Variants in LCMT1 observed in about 807,000 individuals in gnomAD.
LCMT1 encodes the protein [Phosphatase 2A protein]-leucine-carboxy methyltransferase 1.
Under a neutral mutation model 47.7 loss-of-function variants are expected in LCMT1, and 32 were observed. That is an observed-to-expected ratio of 0.67 (90% CI 0.51 to 0.90). LCMT1 has a LOEUF of 0.90. Ranked by LOEUF, LCMT1 falls within the 40% of genes least tolerant of loss-of-function variation. LCMT1 has a pLI of 0.00. For synonymous variants in LCMT1, 152 were observed against 149.7 expected (o/e 1.02, Z -0.11); for missense variants, 375 against 415.2 (o/e 0.90, Z 0.84).
chr16:25,169,376 G>A, intron 8 of LCMT1, 163 bp downstream of exon 8: 2 of 557,224 alleles, frequency 3.6e-6, no homozygotes, highest in Non-Finnish European at 6.5e-6. Context: ...ATGCTGGGAA[G>A]ACCAAGTCCT....
At chr16:25,116,294 G>A (rs1362087235) in intron 1 of LCMT1, among the ~76,000 whole-genome samples, 2 of 152,190 alleles carry the variant, frequency 1.3e-5, no homozygotes, top group Non-Finnish European at 2.9e-5. Flanking sequence ...GGCTAAAGCT[G>A]TAACATGTAA....
At chr16:25,112,484 C>G (rs1378983742) in intron 1 of LCMT1, among the ~76,000 whole-genome samples, 1 of 152,190 alleles carries the variant, frequency 6.6e-6, no homozygotes, top group Non-Finnish European at 1.5e-5. Context: ...CAGTACCGCA[C>G]TAAGTCTCCA....
At chr16:25,173,440 T>C (rs1961833436) in intron 9 of LCMT1, among the ~76,000 whole-genome samples, 1 of 152,196 alleles carries the variant, frequency 6.6e-6, no homozygotes, top group Non-Finnish European at 1.5e-5. Context: ...GCATTCTTAC[T>C]TCAGATTTGG....
At chr16:25,168,008 C>T (rs1357336744) in intron 7 of LCMT1, among the ~76,000 whole-genome samples, 5 of 151,860 alleles carry the variant, frequency 3.3e-5, no homozygotes, top group East Asian at 1.9e-4. Flanking sequence ...CCGCCCACCT[C>T]GGCCTCCCAA....
intron 4 of LCMT1, chr16:25,147,457 T>C (rs2141675160): frequency 6.6e-6 from 1 of 152,200 alleles, no homozygotes; most frequent in South Asian, 2.1e-4. Flanking sequence ...AACCTGGAAA[T>C]AGGGGCCACA....
At chr16:25,127,188 A>G (rs959333791) in intron 1 of LCMT1, among the ~76,000 whole-genome samples, 1 of 152,206 alleles carries the variant, frequency 6.6e-6, no homozygotes, top group Admixed American at 6.5e-5. Context: ...AATCCTTACT[A>G]TATGTAATGC....
At chr16:25,115,010 G>A (rs1334459379) in intron 1 of LCMT1, among the ~76,000 whole-genome samples, 5 of 151,992 alleles carry the variant, frequency 3.3e-5, no homozygotes, top group Non-Finnish European at 2.9e-5. Context: ...GCCTATGCAC[G>A]AGGCACTCAC....
chr16:25,128,590 A>C, intron 2 of LCMT1, 24 bp downstream of exon 2: 1 of 1,524,706 alleles, frequency 6.6e-7, no homozygotes, highest in Non-Finnish European at 9.0e-7. Flanking sequence ...TCCCTCCCCA[A>C]CAGCACCTCA....
rs894117341 is a variant in LCMT1, at chr16:25,132,624, G to A, written c.327+101G>A. On this transcript the variant is annotated intron_variant, in intron 3 of 10. Transcript: ENST00000399069. Reference sequence around the variant, plus strand: ...AAACATATATTAAAAGTTATGCAGCGAAAGCCTGTCTCCCACCCCTGTCCC... The same window carrying A: ...AAACATATATTAAAAGTTATGCAGCAAAAGCCTGTCTCCCACCCCTGTCCC... 6 of 1,327,874 alleles carry A rather than the reference G, an allele frequency of 4.5e-6. No individual in the cohort carries two copies. The South Asian group carries it at 5.7e-5, about 13-fold the overall frequency. 82.3% of individuals were successfully genotyped at this position (1,327,874 alleles called of 1,614,324 possible).
chr16:25,151,482 C>T, intron 4 of LCMT1, 72 bp from the exon 5 acceptor site: 2 of 1,247,540 alleles, frequency 1.6e-6, no homozygotes, highest in Non-Finnish European at 2.3e-6. Flanking sequence ...TGCATTTGTG[C>T]AGTAAATGAG....
At chr16:25,165,050 C>G (rs1567327058) in intron 7 of LCMT1, among the ~76,000 whole-genome samples, 1 of 152,132 alleles carries the variant, frequency 6.6e-6, no homozygotes, top group Non-Finnish European at 1.5e-5. Flanking sequence ...CTGTCAGGGA[C>G]AGGCAGGTGG....
rs1567315773 is a variant in LCMT1 at position 25,140,022 on chromosome 16, T to C, written c.328-149T>C. 4.8e-6 allele frequency: 3 copies of C among 619,460 alleles called. No homozygotes were observed. In the African/African-American group the frequency reaches 5.5e-5, roughly 11 times the overall value. The allele number at this position is 619,460 out of a possible 1,614,324, so 38.4% of individuals were successfully genotyped here. ...TGCTTCCCTCAAATCTATTCTTGAG[T>C]AATTCGAAAAACACGTCTGCCCATA... On this transcript the variant is annotated intron_variant, in intron 3 of 10. Transcript: ENST00000399069.
At chr16:25,154,812 T>C (rs1313849808) in intron 5 of LCMT1, among the ~76,000 whole-genome samples, 3 of 152,184 alleles carry the variant, frequency 2.0e-5, no homozygotes, top group Admixed American at 6.5e-5. Context: ...TAAAGGTCTG[T>C]TGTCAACTTT....
At chr16:25,136,530 G>C (rs1960510692) in intron 3 of LCMT1, among the ~76,000 whole-genome samples, 1 of 151,134 alleles carries the variant, frequency 6.6e-6, no homozygotes, top group Non-Finnish European at 1.5e-5. Context: ...TGTTACATAG[G>C]TACACACATG....
intron 1 of LCMT1, among the ~76,000 whole-genome samples, chr16:25,120,448 A>G (rs1226058291): frequency 1.1e-4 from 16 of 142,212 alleles, no homozygotes; most frequent in East Asian, 6.2e-4. Flanking sequence ...TTTTTGAGAC[A>G]GAGTCTCGCT....
intron 1 of LCMT1, among the ~76,000 whole-genome samples, chr16:25,122,431 C>T (rs938776654): frequency 6.6e-6 from 1 of 152,194 alleles, no homozygotes; most frequent in African/African-American, 2.4e-5. Flanking sequence ...ACCTCACCCT[C>T]CCGAGTAGCT....
intron 7 of LCMT1, among the ~76,000 whole-genome samples, chr16:25,165,400 C>T (rs1961557637): frequency 6.6e-6 from 1 of 152,146 alleles, no homozygotes; most frequent in African/African-American, 2.4e-5. Context: ...GCTATGTGAA[C>T]TTAGGCAGCA....
At chr16:25,174,711 AAT>A (rs1207992355) in intron 9 of LCMT1, 1 of 293,282 alleles carries the variant, frequency 3.4e-6, no homozygotes, top group African/African-American at 2.2e-5. Flanking sequence ...TTGAATTGCA[AAT>A]ATATGTTTCT....
At position 25,164,662 on chromosome 16, in the gene LCMT1, C is replaced by T; in HGVS notation, c.634C>T (p.Leu212Phe). The change falls in exon 7 of 11, where the codon CTC becomes TTC. Residue 212 changes from leucine (L) to phenylalanine (F), a missense_variant. Transcript: ENST00000399069. Reference protein sequence around the residue: ...VYMTPEQSANLLKWAANSFER... With the variant: ...VYMTPEQSANFLKWAANSFER... Reference sequence around the variant, plus strand: ...CATGACTCCAGAGCAGTCCGCAAACCTCCTGAAGTGGGCAGCCAACAGTTT... The same window carrying T: ...CATGACTCCAGAGCAGTCCGCAAACTTCCTGAAGTGGGCAGCCAACAGTTT... 3.7e-6 allele frequency: 6 copies of T among 1,614,002 alleles called. No homozygotes were observed. The highest frequency in any genetic ancestry group is 1.6e-4 in the Middle Eastern group (1 of 6,062).
Sources: gnomAD v4.1 joint callset for allele counts (sites outside exome capture counted in the v4.1 genomes callset) on GRCh38, gnomAD v4.1.1 for gene constraint, MANE v1.5 for transcripts, NCBI Gene and HGNC (gene_info 2026-07-23, HGNC 2026-07-21) for gene names.